CUX1: variants seen among roughly 807,000 people sequenced by gnomAD.
The protein encoded by CUX1 is protein CASP.
Under a neutral mutation model 158.8 loss-of-function variants are expected in CUX1, and 31 were observed. The ratio of observed to expected loss-of-function variants is 0.20; its 90% CI spans 0.15 to 0.26. The LOEUF (loss-of-function observed/expected upper bound fraction) is 0.26, where lower values mean the gene tolerates loss of function less well. CUX1 is among the 10% of genes least tolerant of loss of function. The pLI, the probability that CUX1 is intolerant of heterozygous loss-of-function variation, is 1.00. For missense variants in CUX1, 1,589 were observed against 2,014.6 expected (o/e 0.79, Z 4.04); for synonymous variants, 879 against 862.1 (o/e 1.02, Z -0.34).
At chr7:102,084,052 ATTTTTGTAT>A (rs1305753271) in intron 4 of CUX1, among the ~76,000 whole-genome samples, 1 of 145,138 alleles carries the variant, frequency 6.9e-6, no homozygotes, top group Non-Finnish European at 1.6e-5. Context: ...CACCCAGCTA[ATTTTTGTAT>A]TTTTAGTAGA....
At chr7:101,969,359 C>CAAAAAAAAAAAAAAAAAAAAAAAAAA (rs10711703) in intron 2 of CUX1, among the ~76,000 whole-genome samples, 20 of 56,114 alleles carry the variant, frequency 3.6e-4, no homozygotes, top group South Asian at 1.9e-3. Context: ...CAAAAAACAG[C>CAAAAAAAAAAAAAAAAAAAAAAAAAA]AAAAAAAAAA....
intron 11 of CUX1, among the ~76,000 whole-genome samples, chr7:102,181,734 C>G (rs1386592113): frequency 1.3e-5 from 2 of 152,142 alleles, no homozygotes; most frequent in African/African-American, 4.8e-5. Context: ...CCAGATTGTC[C>G]TGATACGAAA....
chr7:101,960,136 C>T (rs1412298194), intron 2 of CUX1: 2 of 152,170 alleles, frequency 1.3e-5, no homozygotes, highest in Admixed American at 6.5e-5. Flanking sequence ...CCTGATGTTT[C>T]TTTCAATTCC....
intron 4 of CUX1, among the ~76,000 whole-genome samples, chr7:102,084,890 G>C (rs1554479899): frequency 1.3e-5 from 1 of 75,450 alleles, no homozygotes; most frequent in African/African-American, 5.5e-5. Flanking sequence ...TTTGGCACTT[G>C]CTACCTGTAT....
intron 4 of CUX1, among the ~76,000 whole-genome samples, chr7:102,076,109 A>C (rs1348358237): frequency 2.0e-5 from 3 of 151,824 alleles, no homozygotes; most frequent in Non-Finnish European, 4.4e-5. Context: ...AAGGCCAGGC[A>C]TGGTGGTTCA....
At chr7:102,189,013 TGTCAGG>T (rs1216389282) in intron 11 of CUX1, among the ~76,000 whole-genome samples, 1 of 152,010 alleles carries the variant, frequency 6.6e-6, no homozygotes, top group Non-Finnish European at 1.5e-5. Context: ...ACCAGCTGGC[TGTCAGG>T]GAAGCCACCA....
In CUX1 at chr7:102,273,066, C is replaced by T. The variant is rs151190149; in HGVS notation, c.1256-300C>T. ...CCCCAAACAGCCGTGGGCAGAGCCACATTGCACCGGTTTCTCCTAATCCCT... is the reference window on the plus strand; with the variant it reads ...CCCCAAACAGCCGTGGGCAGAGCCATATTGCACCGGTTTCTCCTAATCCCT... On this transcript the variant is annotated intron_variant, in intron 14 of 22. Transcript: ENST00000292538. 5.9e-5 allele frequency among the ~76,000 whole-genome samples: 9 copies of T among 152,344 alleles called. No homozygotes were observed. In the South Asian group the frequency reaches 1.2e-3, roughly 21 times the overall value.
intron 4 of CUX1, among the ~76,000 whole-genome samples, chr7:102,079,928 G>T (rs555047401): frequency 1.3e-5 from 2 of 152,216 alleles, no homozygotes; most frequent in East Asian, 1.9e-4. Flanking sequence ...CTCAGGCTCC[G>T]GCATTAGGGA....
At chr7:101,996,739 A>C (rs1815958701) in intron 2 of CUX1, among the ~76,000 whole-genome samples, 3 of 133,926 alleles carry the variant, frequency 2.2e-5, no homozygotes, top group East Asian at 4.4e-4. Context: ...TCTTCCTCCT[A>C]CCCTTCATTG....
At chr7:102,193,782 A>G in intron 12 of CUX1, 60 bp from the exon 13 acceptor site, 2 of 1,557,154 alleles carry the variant, frequency 1.3e-6, no homozygotes, top group South Asian at 1.2e-5. Context: ...AGCCTGGGTG[A>G]CAGAACGAGA....
intron 2 of CUX1, among the ~76,000 whole-genome samples, chr7:101,979,779 A>T (rs932148286): frequency 2.0e-5 from 3 of 152,102 alleles, no homozygotes; most frequent in African/African-American, 7.2e-5. Flanking sequence ...CCTCCCGAGT[A>T]GCTGGCACTA....
chr7:102,043,323 CTGTG>C (rs57276921), intron 3 of CUX1, among the ~76,000 whole-genome samples: 5,668 of 139,076 alleles, frequency 0.041, 143 homozygotes, highest in African/African-American at 0.09. Context: ...CATTAGCTCA[CTGTG>C]TGTGTGTGTG....
chr7:102,259,481 G>A (rs1169907151), downstream of CUX1, among the ~76,000 whole-genome samples: 1 of 152,218 alleles, frequency 6.6e-6, no homozygotes, highest in Admixed American at 6.5e-5. Flanking sequence ...CCAGCTACTT[G>A]GGAGGCTGAG....
At chr7:102,265,735 A>G (rs929627295) in intron 14 of CUX1, among the ~76,000 whole-genome samples, 1 of 152,144 alleles carries the variant, frequency 6.6e-6, no homozygotes, top group African/African-American at 2.4e-5. Flanking sequence ...CACCCGACCA[A>G]CTTTTTAAAA....
chr7:101,987,538 G>A (rs1260705896), intron 2 of CUX1, among the ~76,000 whole-genome samples: 1 of 152,212 alleles, frequency 6.6e-6, no homozygotes, highest in Non-Finnish European at 1.5e-5. Context: ...ACTATTGGGG[G>A]AACCTTGACC....
chr7:102,214,348 A>AC (rs1449840115), intron 20 of CUX1, among the ~76,000 whole-genome samples: 1 of 151,312 alleles, frequency 6.6e-6, no homozygotes, highest in African/African-American at 2.4e-5. Flanking sequence ...ACATAGCAAG[A>AC]CCCCATCTCT....
intron 2 of CUX1, among the ~76,000 whole-genome samples, chr7:101,919,073 C>T (rs1215567714): frequency 6.6e-6 from 1 of 152,228 alleles, no homozygotes; most frequent in African/African-American, 2.4e-5. Flanking sequence ...GCCACCGCGC[C>T]CAGCCCTCCT....
chr7:101,868,105 C>G (rs1798114314), intron 1 of CUX1, among the ~76,000 whole-genome samples: 1 of 152,226 alleles, frequency 6.6e-6, no homozygotes, highest in Non-Finnish European at 1.5e-5. Flanking sequence ...CCTTCACCTC[C>G]CAAAGTGCTT....
At chr7:102,202,397 G>T (rs184971511) in intron 18 of CUX1, among the ~76,000 whole-genome samples, 193 bp downstream of exon 18, 1 of 152,122 alleles carries the variant, frequency 6.6e-6, no homozygotes, top group Admixed American at 6.5e-5. Flanking sequence ...GCCGAGCCCC[G>T]ACTGCAGCCA....
Sources: gnomAD v4.1 joint callset for allele counts (sites outside exome capture counted in the v4.1 genomes callset) on GRCh38, gnomAD v4.1.1 for gene constraint, MANE v1.5 for transcripts, NCBI Gene and HGNC (gene_info 2026-07-23, HGNC 2026-07-21) for gene names.